Variants in CRTC3 observed in about 807,000 individuals in gnomAD.
CRTC3 encodes the protein CREB regulated transcription coactivator 3.
A neutral mutation model predicts 74.5 loss-of-function variants in CRTC3; 26 were observed. The observed-to-expected ratio is 0.35, with a 90% CI of 0.26 to 0.48. The LOEUF (loss-of-function observed/expected upper bound fraction) is 0.48, where lower values mean the gene tolerates loss of function less well. Among genes scored for constraint, CRTC3 ranks in the 20% least tolerant of loss-of-function variants. The pLI, the probability that CRTC3 is intolerant of heterozygous loss-of-function variation, is 0.99. For missense variants in CRTC3, 760 were observed against 787.3 expected, an observed-to-expected ratio of 0.97 and a Z score of 0.41; for synonymous variants, 377 against 325.8, an observed-to-expected ratio of 1.16 and a Z score of -1.69.
intron 2 of CRTC3, among the ~76,000 whole-genome samples, chr15:90,567,781 T>C (rs1450981765): frequency 6.6e-6 from 1 of 152,212 alleles, no homozygotes; most frequent in Non-Finnish European, 1.5e-5. Context: ...TGTAGAAGAT[T>C]AGTGTTTTTA....
intron 10 of CRTC3, among the ~76,000 whole-genome samples, chr15:90,626,942 A>T (rs1195681522): frequency 6.6e-6 from 1 of 152,202 alleles, no homozygotes; most frequent in Non-Finnish European, 1.5e-5. Context: ...GCAGGTGATA[A>T]TCCTCTTACT....
chr15:90,529,978 G>GCGGCGGCCC lies in CRTC3; in HGVS notation c.-85_-77dup. ...GGTCGCGCCGGACGACTGGCTTCGG[G>GCGGCGGCCC]CGGCGGCCCCGGCGGCCTGTGGACG... On this transcript the variant is annotated 5_prime_UTR_variant, in exon 1 of 15. Coordinates refer to ENST00000268184, the MANE Select transcript of CRTC3 (RefSeq NM_022769.5). 2 of 1,000,140 alleles carry GCGGCGGCCC rather than the reference G, an allele frequency of 2.0e-6. No individual in the cohort carries two copies. Among genetic ancestry groups the GCGGCGGCCC allele is most frequent in the Non-Finnish European group, 2.5e-6 (2 of 806,786 alleles). The allele number at this position is 1,000,140 out of a possible 1,614,324, so 62.0% of individuals were successfully genotyped here. A position where few individuals can be genotyped will look rare whatever the true frequency, so the allele number is the denominator to read the frequency against.
At chr15:90,627,911 G>A (rs1267664493) in intron 10 of CRTC3, among the ~76,000 whole-genome samples, 1 of 140,078 alleles carries the variant, frequency 7.1e-6, no homozygotes, top group Admixed American at 7.0e-5. Flanking sequence ...ACGCCCAGCC[G>A]GCAAAATTAT....
At chr15:90,618,232 G>A (rs1968547395) in intron 8 of CRTC3, 1 of 227,868 alleles carries the variant, frequency 4.4e-6, no homozygotes, top group Admixed American at 5.3e-5. Context: ...ACCCTGCTAA[G>A]TCCTCCATAT....
intron 3 of CRTC3, chr15:90,598,212 G>C (rs1967977305): frequency 1.8e-6 from 1 of 554,804 alleles, no homozygotes; most frequent in Non-Finnish European, 3.2e-6. Context: ...CCCTGCCCAG[G>C]TACACTGACC....
At chr15:90,631,950 G>C (rs977792542) in intron 11 of CRTC3, among the ~76,000 whole-genome samples, 1 of 151,516 alleles carries the variant, frequency 6.6e-6, no homozygotes, top group Admixed American at 6.6e-5. Context: ...ACCCAGGCTC[G>C]AGTGCAGTGG....
intron 3 of CRTC3, among the ~76,000 whole-genome samples, chr15:90,602,112 C>T (rs533171234): frequency 6.6e-6 from 1 of 152,126 alleles, no homozygotes; most frequent in African/African-American, 2.4e-5. Flanking sequence ...AATAAACACC[C>T]CACAAAAAAT....
chr15:90,638,471 T>C lies in CRTC3; in HGVS notation c.1292T>C (p.Leu431Pro), dbSNP rs1194766466. The C allele has an allele frequency of 7.4e-6, 12 of 1,614,104 alleles. No homozygotes were observed. Among genetic ancestry groups the C allele is most frequent in the South Asian group, 1.1e-5 (1 of 91,084 alleles). The change falls in exon 12 of 15, where the codon CTT becomes CCT. Residue 431 changes from leucine (L) to proline (P), a missense_variant. Leu to Pro is a moderately conservative substitution (Grantham distance 98). Transcript: ENST00000268184. ...SQMVSSDRSQ[L>P]SFLPTEAQAQ... is the part of the protein sequence containing the mutation. ...ATGGTGTCCTCAGACCGAAGCCAAC[T>C]TTCCTTTCTGCCCACAGAAGCTCAA...
chr15:90,586,793 T>C (rs1967675734), intron 2 of CRTC3, among the ~76,000 whole-genome samples: 1 of 152,248 alleles, frequency 6.6e-6, no homozygotes, highest in Non-Finnish European at 1.5e-5. Flanking sequence ...AACTATAAGC[T>C]AGGATTTATT....
intron 2 of CRTC3, among the ~76,000 whole-genome samples, chr15:90,555,177 A>C (rs1966877954): frequency 6.6e-6 from 1 of 152,154 alleles, no homozygotes; most frequent in Non-Finnish European, 1.5e-5. Flanking sequence ...TCCATGTGGC[A>C]GCCCCCCTTT....
At chr15:90,609,995 G>A (rs921710932) in intron 6 of CRTC3, among the ~76,000 whole-genome samples, 1 of 152,182 alleles carries the variant, frequency 6.6e-6, no homozygotes, top group African/African-American at 2.4e-5. Flanking sequence ...TGCCTTGCAA[G>A]TATAGCAGAA....
chr15:90,621,314 A>T (rs76236455), intron 9 of CRTC3, among the ~76,000 whole-genome samples: 3,231 of 151,802 alleles, frequency 0.021, 126 homozygotes, highest in African/African-American at 0.074. Flanking sequence ...TTGTTTAGTT[A>T]GTTTGTTTGT....
At chr15:90,607,652 C>T (rs1264613405) in intron 6 of CRTC3, among the ~76,000 whole-genome samples, 174 bp downstream of exon 6, 1 of 152,132 alleles carries the variant, frequency 6.6e-6, no homozygotes, top group Non-Finnish European at 1.5e-5. Context: ...GATGGAGCTC[C>T]CAGCGTCCCC....
intron 2 of CRTC3, among the ~76,000 whole-genome samples, chr15:90,557,074 A>G (rs1218705695): frequency 6.6e-6 from 1 of 151,260 alleles, no homozygotes; most frequent in Non-Finnish European, 1.5e-5. Context: ...TTTGCCCCTT[A>G]CTTGCTTTAA....
chr15:90,607,783 C>A (rs1021806255), intron 6 of CRTC3, among the ~76,000 whole-genome samples: 2 of 152,176 alleles, frequency 1.3e-5, no homozygotes, highest in African/African-American at 4.8e-5. Flanking sequence ...GTCTCACATC[C>A]CTTCAATCCA....
intron 2 of CRTC3, among the ~76,000 whole-genome samples, chr15:90,548,997 A>G (rs917120381): frequency 7.2e-5 from 11 of 152,246 alleles, no homozygotes; most frequent in Admixed American, 7.2e-4. Context: ...GACTCATTTT[A>G]AAAGCAATAC....
intron 6 of CRTC3, among the ~76,000 whole-genome samples, chr15:90,608,692 C>G (rs561495710): frequency 6.6e-6 from 1 of 152,334 alleles, no homozygotes; most frequent in South Asian, 2.1e-4. Flanking sequence ...TGGTCTTGTT[C>G]TCTCCAGCCC....
chr15:90,614,383 T>C, intron 6 of CRTC3, 70 bp from the exon 7 acceptor site: 1 of 1,141,040 alleles, frequency 8.8e-7, no homozygotes, highest in Non-Finnish European at 1.3e-6. Flanking sequence ...GAGTTACTGA[T>C]TCATAAATTC....
At chr15:90,571,298 G>A (rs1967259019) in intron 2 of CRTC3, among the ~76,000 whole-genome samples, 1 of 152,188 alleles carries the variant, frequency 6.6e-6, no homozygotes, top group African/African-American at 2.4e-5. Context: ...TAACCCAAAC[G>A]GGTTGGGAGG....
Sources: allele counts gnomAD v4.1 joint callset (sites outside exome capture counted in the v4.1 genomes callset), GRCh38; gene constraint gnomAD v4.1.1; transcripts MANE v1.5; gene names NCBI Gene and HGNC (gene_info 2026-07-23, HGNC 2026-07-21).